GARIN5B: variants seen among roughly 807,000 people sequenced by gnomAD.
GARIN5B encodes the protein Golgi-associated RAB2 interactor protein 5B.
At chr19:55,363,155 G>T in the GARIN5B span, 5 of 1,296,470 alleles carry the variant, frequency 3.9e-6, no homozygotes, top group African/African-American at 7.8e-5. The surrounding 1 kb of genome is among the most constrained non-coding windows in gnomAD (Gnocchi z 4.0). Context: ...TTGACCCGTG[G>T]GGCTTCACGG....
At chr19:55,359,519 C>T in the GARIN5B span, 391 of 1,547,762 alleles carry the variant, frequency 2.5e-4, no homozygotes, top group African/African-American at 4.8e-3. Flanking sequence ...TGGGGCCTTC[C>T]GGGGAGGAGC....
the GARIN5B span, chr19:55,358,600 T>C: frequency 1.3e-6 from 2 of 1,551,380 alleles, no homozygotes; most frequent in Non-Finnish European, 1.7e-6. Context: ...CTGGCTGCTC[T>C]CTGACCACCA....
At chr19:55,362,178 C>G in the GARIN5B span, 1 of 1,443,118 alleles carries the variant, frequency 6.9e-7, no homozygotes, top group Non-Finnish European at 9.1e-7. Context: ...GGTCGCAGTC[C>G]CCTCTGGATC....
the GARIN5B span, chr19:55,359,210 G>C: frequency 6.4e-6 from 10 of 1,551,282 alleles, no homozygotes; most frequent in Non-Finnish European, 8.7e-6. Flanking sequence ...TGAGGCAGGC[G>C]GGCTCAGCGC....
chr19:55,359,233 G>A, the GARIN5B span: 1 of 1,551,242 alleles, frequency 6.4e-7, no homozygotes, highest in Non-Finnish European at 8.7e-7. Flanking sequence ...TCTGGTATTC[G>A]GTAGGTGAGG....
At chr19:55,361,367 G>A in the GARIN5B span, 58 of 1,538,424 alleles carry the variant, frequency 3.8e-5, no homozygotes, top group Middle Eastern at 8.5e-4. Context: ...TCCCTGCGAC[G>A]GGGAGAACCC....
At chr19:55,362,577 C>T in the GARIN5B span, 4 of 1,538,496 alleles carry the variant, frequency 2.6e-6, no homozygotes, top group Admixed American at 2.0e-5. Flanking sequence ...GGATGCGGCA[C>T]CTGGTCAGCA....
At chr19:55,359,564 C>G in the GARIN5B span, 1 of 1,551,182 alleles carries the variant, frequency 6.4e-7, no homozygotes, top group Non-Finnish European at 8.7e-7. Flanking sequence ...AGGAGCCAAT[C>G]CAGGTGGGGG....
At chr19:55,358,540 C>A in the GARIN5B span, 136 of 292,128 alleles carry the variant, frequency 4.7e-4, no homozygotes, top group Non-Finnish European at 7.1e-4. Context: ...ATGGCTGCTC[C>A]TTCATCTCGC....
chr19:55,356,378 T>C, the GARIN5B span, among the ~76,000 whole-genome samples: 3 of 141,428 alleles, frequency 2.1e-5, no homozygotes, highest in Non-Finnish European at 4.7e-5. Flanking sequence ...CCTAGTTAAC[T>C]TTTTTTTTTT....
chr19:55,358,842 T>G, the GARIN5B span: 3 of 1,546,750 alleles, frequency 1.9e-6, no homozygotes, highest in Admixed American at 4.0e-5. Flanking sequence ...GCCAGTTCCT[T>G]GGCCTTGACC....
the GARIN5B span, chr19:55,355,087 C>T: frequency 2.5e-6 from 1 of 394,538 alleles, no homozygotes; most frequent in South Asian, 2.2e-5. Flanking sequence ...CGCACAGAAC[C>T]CTCGGGGCCT....
chr19:55,358,624 C>T, the GARIN5B span: 1 of 1,551,392 alleles, frequency 6.4e-7, no homozygotes, highest in Non-Finnish European at 8.7e-7. Context: ...GCTTCCCCTC[C>T]AGTAAGGACA....
the GARIN5B span, chr19:55,362,288 T>A: frequency 1.3e-6 from 2 of 1,548,216 alleles, no homozygotes; most frequent in African/African-American, 2.7e-5. Flanking sequence ...CAGCGGCATA[T>A]CCAGGGGGGC....
chr19:55,359,727 C>G, the GARIN5B span: 7 of 1,551,346 alleles, frequency 4.5e-6, no homozygotes, highest in Non-Finnish European at 6.1e-6. Flanking sequence ...TTTTCCCTGC[C>G]CCTGGGGATG....
chr19:55,362,276 G>A, the GARIN5B span: 1 of 1,545,034 alleles, frequency 6.5e-7, no homozygotes, highest in Non-Finnish European at 8.7e-7. Flanking sequence ...AGGCGCTTCG[G>A]CCAGCGGCAT....
the GARIN5B span, chr19:55,362,113 G>A: frequency 4.8e-6 from 6 of 1,261,538 alleles, no homozygotes; most frequent in South Asian, 8.3e-5. Context: ...CAGGCCCCCA[G>A]CCCCTCCTCC....
the GARIN5B span, among the ~76,000 whole-genome samples, chr19:55,360,183 T>C: frequency 9.7e-5 from 8 of 82,324 alleles, no homozygotes; most frequent in African/African-American, 3.7e-4. Flanking sequence ...TCCCTCAGAC[T>C]CAGGAGTCCA....
At chr19:55,361,626 CA>C in the GARIN5B span, among the ~76,000 whole-genome samples, 4 of 104,532 alleles carry the variant, frequency 3.8e-5, no homozygotes, top group Admixed American at 9.6e-5. Flanking sequence ...CCTCCTCCCT[CA>C]GACCCAGGAG....
Sources: allele counts gnomAD v4.1 joint callset (sites outside exome capture counted in the v4.1 genomes callset), GRCh38; gene constraint gnomAD v4.1.1; non-coding constraint Gnocchi (gnomAD v3.1); transcripts MANE v1.5; gene names NCBI Gene and HGNC (gene_info 2026-07-23, HGNC 2026-07-21).